OR9Q1: variants seen among roughly 807,000 people sequenced by gnomAD.
The protein encoded by OR9Q1 is olfactory receptor 9Q1.
For missense variants in OR9Q1, 374 were observed against 378.8 expected, an observed-to-expected ratio of 0.99 and a Z score of 0.11; for synonymous variants, 153 against 148.6, an observed-to-expected ratio of 1.03 and a Z score of -0.22.
intron 2 of OR9Q1, among the ~76,000 whole-genome samples, chr11:58,177,995 C>T (rs1769485266): frequency 6.6e-6 from 1 of 152,100 alleles, no homozygotes; most frequent in South Asian, 2.1e-4. Flanking sequence ...GGGGTTTGTC[C>T]TGTTGAAAGT....
intron 2 of OR9Q1, among the ~76,000 whole-genome samples, chr11:58,057,364 C>G (rs1432872584): frequency 6.6e-6 from 1 of 152,050 alleles, no homozygotes. Flanking sequence ...GATGACTAGG[C>G]CAAGCACTCA....
intron 1 of OR9Q1, chr11:58,031,556 G>A (rs1339682106): frequency 1.9e-6 from 3 of 1,613,980 alleles, no homozygotes; most frequent in African/African-American, 2.7e-5. Flanking sequence ...GAAGGAGACT[G>A]TGGATTTCCT....
intron 2 of OR9Q1, among the ~76,000 whole-genome samples, chr11:58,148,453 G>C (rs1854320327): frequency 6.6e-6 from 1 of 152,122 alleles, no homozygotes; most frequent in African/African-American, 2.4e-5. Context: ...ATACTTACCA[G>C]ATTTCTTTTT....
intron 1 of OR9Q1, among the ~76,000 whole-genome samples, chr11:58,034,544 CAT>C (rs778779334): frequency 5.9e-5 from 9 of 152,026 alleles, no homozygotes; most frequent in Non-Finnish European, 1.2e-4. Flanking sequence ...TTAATTAGAA[CAT>C]AGTCACACCT....
At chr11:58,102,881 T>A (rs1397948831) in intron 2 of OR9Q1, among the ~76,000 whole-genome samples, 2 of 152,088 alleles carry the variant, frequency 1.3e-5, no homozygotes, top group African/African-American at 4.8e-5. Flanking sequence ...TCTTCTTCTT[T>A]AGCATCCATA....
chr11:58,137,855 A>G (rs919265804), intron 2 of OR9Q1, among the ~76,000 whole-genome samples: 1 of 152,354 alleles, frequency 6.6e-6, no homozygotes, highest in Non-Finnish European at 1.5e-5. Flanking sequence ...AACAGTATTT[A>G]TCATACAGTG....
At chr11:58,056,829 C>T (rs1323693127) in intron 2 of OR9Q1, among the ~76,000 whole-genome samples, 1 of 152,028 alleles carries the variant, frequency 6.6e-6, no homozygotes, top group Non-Finnish European at 1.5e-5. Context: ...GCTATGGGGT[C>T]CAGAGCCCCA....
At chr11:58,115,757 T>C (rs766065265) in intron 2 of OR9Q1, among the ~76,000 whole-genome samples, 4 of 152,158 alleles carry the variant, frequency 2.6e-5, no homozygotes, top group Non-Finnish European at 4.4e-5. Context: ...AAATGAAATA[T>C]AATACATATA....
rs547424291 is a variant in OR9Q1, at chr11:58,090,434, T to C, written c.-15+34487T>C. On this transcript the variant is annotated intron_variant, in intron 2 of 2. Coordinates refer to ENST00000335397, the MANE Select transcript of OR9Q1 (RefSeq NM_001005212.4). ...GTTTTTGTCATTGGTTCTGTTTATG[T>C]GATGGATTACATTTATTGATTTGCA... Among the ~76,000 whole-genome samples, 8 of 152,344 alleles carry C rather than the reference T, an allele frequency of 5.3e-5. No homozygotes were observed. In the East Asian group the frequency reaches 9.6e-4, roughly 18 times the overall value.
intron 1 of OR9Q1, among the ~76,000 whole-genome samples, chr11:58,048,947 A>C (rs1853249643): frequency 2.2e-5 from 1 of 45,766 alleles, no homozygotes; most frequent in Non-Finnish European, 4.2e-5. Flanking sequence ...AATTGTGGCA[A>C]TAATCAATAG....
intron 2 of OR9Q1, among the ~76,000 whole-genome samples, chr11:58,107,952 A>G (rs1853858430): frequency 6.6e-6 from 1 of 152,168 alleles, no homozygotes; most frequent in Non-Finnish European, 1.5e-5. Flanking sequence ...CTACAGGTCT[A>G]TCATTGTTGA....
chr11:58,080,186 T>C (rs1398257905), intron 2 of OR9Q1, among the ~76,000 whole-genome samples: 1 of 152,124 alleles, frequency 6.6e-6, no homozygotes, highest in Non-Finnish European at 1.5e-5. Flanking sequence ...TGTTCCATTG[T>C]TTATGTCCAT....
intron 2 of OR9Q1, among the ~76,000 whole-genome samples, chr11:58,057,333 A>G (rs1028537818): frequency 6.6e-6 from 1 of 151,992 alleles, no homozygotes; most frequent in Non-Finnish European, 1.5e-5. Context: ...AGGAAAAAAG[A>G]CCTCGAACAC....
intron 2 of OR9Q1, among the ~76,000 whole-genome samples, chr11:58,059,135 A>T (rs1465297186): frequency 6.6e-6 from 1 of 152,186 alleles, no homozygotes. Context: ...CTGTGGGCTC[A>T]GGCCTAAGAA....
intron 1 of OR9Q1, among the ~76,000 whole-genome samples, chr11:58,037,671 ATATATATATATATATAT>A (rs1350952045): frequency 6.4e-4 from 5 of 7,824 alleles, no homozygotes; most frequent in East Asian, 4.4e-3. Flanking sequence ...ATATATATAT[ATATATATATATATATAT>A]ATTTTTTTTT....
intron 2 of OR9Q1, among the ~76,000 whole-genome samples, chr11:58,065,567 G>C (rs927134391): frequency 7.2e-5 from 11 of 152,176 alleles, no homozygotes; most frequent in Admixed American, 2.6e-4. Flanking sequence ...AGATATGCAT[G>C]AAAGCTGAAT....
At chr11:58,094,479 T>C (rs1853712797) in intron 2 of OR9Q1, among the ~76,000 whole-genome samples, 1 of 152,204 alleles carries the variant, frequency 6.6e-6, no homozygotes, top group South Asian at 2.1e-4. Flanking sequence ...CAGTGTTGTT[T>C]CTAAGGTTGA....
intron 2 of OR9Q1, among the ~76,000 whole-genome samples, chr11:58,148,275 C>T (rs1854318093): frequency 6.6e-6 from 1 of 152,020 alleles, no homozygotes. Context: ...GTAAACCATA[C>T]AACACGTAAT....
chr11:58,102,868 A>G (rs905208766), intron 2 of OR9Q1, among the ~76,000 whole-genome samples: 4 of 151,850 alleles, frequency 2.6e-5, no homozygotes, highest in Non-Finnish European at 4.4e-5. Context: ...ACTTTCCCCC[A>G]TCTCTTCTTC....
Sources: allele counts gnomAD v4.1 joint callset (sites outside exome capture counted in the v4.1 genomes callset), GRCh38; gene constraint gnomAD v4.1.1; transcripts MANE v1.5; gene names NCBI Gene and HGNC (gene_info 2026-07-23, HGNC 2026-07-21).